Variants in ASXL3 observed in about 807,000 individuals in gnomAD.
The protein encoded by ASXL3 is putative Polycomb group protein ASXL3.
ASXL3 carries 34 observed loss-of-function variants against 170.6 expected under a neutral mutation model. That is an observed-to-expected ratio of 0.20 (90% CI 0.15 to 0.27). The LOEUF (loss-of-function observed/expected upper bound fraction) is 0.27, where lower values mean the gene tolerates loss of function less well. Among genes scored for constraint, ASXL3 ranks in the 10% least tolerant of loss-of-function variants. The pLI, the probability that ASXL3 is intolerant of heterozygous loss-of-function variation, is 1.00. For missense variants in ASXL3, 2,592 were observed against 2,695.3 expected (o/e 0.96, Z 0.85); for synonymous variants, 1,002 against 989.1 (o/e 1.01, Z -0.24).
intron 2 of ASXL3, among the ~76,000 whole-genome samples, chr18:33,627,466 A>C (rs890662400): frequency 2.6e-5 from 4 of 152,126 alleles, no homozygotes; most frequent in African/African-American, 9.7e-5. Context: ...ATTAGATAGA[A>C]ATGTTTTATT....
intron 8 of ASXL3, among the ~76,000 whole-genome samples, chr18:33,684,672 G>A (rs1386760110): frequency 2.0e-5 from 3 of 152,010 alleles, no homozygotes; most frequent in East Asian, 1.9e-4. Context: ...TGGAGTAATA[G>A]CAAGACAGTG....
rs144397491 is a variant in ASXL3 at position 33,661,389 on chromosome 18, A to G, written c.356-227A>G. On this transcript the variant is annotated intron_variant, in intron 4 of 11. Coordinates refer to ENST00000269197, the MANE Select transcript of ASXL3 (RefSeq NM_030632.3). The stretch of plus-strand genomic sequence containing the variant: ...CTCAATGACATAGAAATTATCATCA[A>G]TTTGCGGGTTAGGACAGGAAAGCTT... Among the ~76,000 whole-genome samples the G allele has an allele frequency of 2.2e-3, 330 of 152,214 alleles. 1 individual carries two copies. The highest frequency in any genetic ancestry group is 7.6e-3 in the African/African-American group (314 of 41,538).
chr18:33,715,057 C>T (rs758072817), intron 8 of ASXL3, among the ~76,000 whole-genome samples: 2 of 152,122 alleles, frequency 1.3e-5, no homozygotes, highest in African/African-American at 4.8e-5. Flanking sequence ...CAGTACACCC[C>T]CTTCAGTAAC....
intron 8 of ASXL3, among the ~76,000 whole-genome samples, chr18:33,688,949 G>T (rs920444461): frequency 1.3e-5 from 2 of 152,002 alleles, no homozygotes; most frequent in African/African-American, 4.8e-5. Flanking sequence ...AGATGATCCA[G>T]TGTCACTTTC....
chr18:33,697,895 C>G (rs369258548), intron 8 of ASXL3, among the ~76,000 whole-genome samples: 1 of 152,106 alleles, frequency 6.6e-6, no homozygotes, highest in East Asian at 1.9e-4. Flanking sequence ...AGAATTTTCT[C>G]TCTATGATAC....
At chr18:33,720,440 A>AG (rs2067239904) in intron 8 of ASXL3, among the ~76,000 whole-genome samples, 1 of 152,122 alleles carries the variant, frequency 6.6e-6, no homozygotes, top group Non-Finnish European at 1.5e-5. Flanking sequence ...ATAAAACATT[A>AG]GTATTCATGG....
At chr18:33,650,200 C>A (rs770849332) in intron 4 of ASXL3, among the ~76,000 whole-genome samples, 12 of 152,062 alleles carry the variant, frequency 7.9e-5, no homozygotes, top group African/African-American at 1.2e-4. Context: ...TAGCAGCTAA[C>A]ATATTCAAAA....
chr18:33,749,076 C>CTTTTTTTTTTTTTTTTTTTTCT lies in ASXL3; in HGVS notation c.*2498_*2499insTTTCTTTTTTTTTTTTTTTTTT, dbSNP rs10616181. The stretch of plus-strand genomic sequence containing the variant: ...CCGATTAGCATAATTTTTCTGCGCC[C>CTTTTTTTTTTTTTTTTTTTTCT]TTTTTTTTTTTTTTTTTGCTCCAGT... On this transcript the variant is annotated 3_prime_UTR_variant, in exon 12 of 12. Coordinates refer to ENST00000269197, the MANE Select transcript of ASXL3 (RefSeq NM_030632.3). 1 of 128,448 alleles carries CTTTTTTTTTTTTTTTTTTTTCT rather than the reference C, an allele frequency of 7.8e-6. No individual in the cohort carries two copies. The highest frequency in any genetic ancestry group is 1.6e-5 in the Non-Finnish European group (1 of 60,948). The allele number at this position is 128,448 out of a possible 1,614,324, so 8.0% of individuals were successfully genotyped here. A position where few individuals can be genotyped will look rare whatever the true frequency, so the allele number is the denominator to read the frequency against.
chr18:33,631,015 T>C (rs1247675653), intron 2 of ASXL3, among the ~76,000 whole-genome samples: 1 of 151,888 alleles, frequency 6.6e-6, no homozygotes, highest in African/African-American at 2.4e-5. Context: ...AATCCACCTT[T>C]GACAGGGAAA....
At chr18:33,716,035 A>G (rs558619517) in intron 8 of ASXL3, among the ~76,000 whole-genome samples, 25 of 152,314 alleles carry the variant, frequency 1.6e-4, no homozygotes, top group African/African-American at 5.5e-4. Flanking sequence ...CTCAATGGCA[A>G]TTTTGTTAAA....
chr18:33,666,985 A>C (rs576209623), intron 5 of ASXL3, among the ~76,000 whole-genome samples: 2 of 152,308 alleles, frequency 1.3e-5, no homozygotes, highest in South Asian at 4.1e-4. Flanking sequence ...GACCTTGCCT[A>C]GGAAAGCTGC....
At chr18:33,655,588 G>A (rs1941703) in intron 4 of ASXL3, among the ~76,000 whole-genome samples, 152,137 of 152,172 alleles carry the variant, frequency 1, 76,051 homozygotes, top group Middle Eastern at 1. Context: ...TCTTGAAACA[G>A]ATGTTTTTAG....
intron 2 of ASXL3, among the ~76,000 whole-genome samples, chr18:33,622,032 T>G (rs1041977282): frequency 1.1e-4 from 17 of 152,252 alleles, no homozygotes; most frequent in African/African-American, 4.1e-4. Flanking sequence ...AATCAGTAAA[T>G]GAAAGCATTG....
intron 8 of ASXL3, among the ~76,000 whole-genome samples, chr18:33,703,981 T>C (rs904392607): frequency 6.6e-6 from 1 of 152,178 alleles, no homozygotes; most frequent in African/African-American, 2.4e-5. Context: ...TTAGATTTTT[T>C]ATGTAACTTT....
At chr18:33,596,515 C>G (rs1312117777) in intron 1 of ASXL3, among the ~76,000 whole-genome samples, 1 of 152,150 alleles carries the variant, frequency 6.6e-6, no homozygotes, top group Non-Finnish European at 1.5e-5. Context: ...CAAATAATTT[C>G]ATATAACAAA....
At chr18:33,584,017 CAT>C in intron 1 of ASXL3, among the ~76,000 whole-genome samples, 1 of 152,176 alleles carries the variant, frequency 6.6e-6, no homozygotes, top group Admixed American at 6.5e-5. Flanking sequence ...GTAGGTGACA[CAT>C]GAGTGATCAA....
intron 8 of ASXL3, among the ~76,000 whole-genome samples, chr18:33,699,557 G>T (rs2066834413): frequency 6.6e-6 from 1 of 152,080 alleles, no homozygotes; most frequent in Non-Finnish European, 1.5e-5. Flanking sequence ...GTTCACTGGT[G>T]ATCTTGACAG....
At chr18:33,699,052 G>A (rs748855147) in intron 8 of ASXL3, among the ~76,000 whole-genome samples, 1 of 152,006 alleles carries the variant, frequency 6.6e-6, no homozygotes, top group Admixed American at 6.6e-5. Context: ...GCAGGGGAGG[G>A]TAACAGTATA....
chr18:33,741,292 A>G (rs1157505596), intron 11 of ASXL3, among the ~76,000 whole-genome samples: 2 of 152,182 alleles, frequency 1.3e-5, no homozygotes, highest in African/African-American at 2.4e-5. Context: ...AGATAACAAC[A>G]TGAGGGAAAT....
Sources: allele counts gnomAD v4.1 joint callset (sites outside exome capture counted in the v4.1 genomes callset), GRCh38; gene constraint gnomAD v4.1.1; transcripts MANE v1.5; gene names NCBI Gene and HGNC (gene_info 2026-07-23, HGNC 2026-07-21).